ZNRF2: variants seen among roughly 807,000 people sequenced by gnomAD.
ZNRF2 encodes the protein E3 ubiquitin-protein ligase ZNRF2.
Under a neutral mutation model 20.4 loss-of-function variants are expected in ZNRF2, and 16 were observed. The ratio of observed to expected loss-of-function variants is 0.79; its 90% CI spans 0.53 to 1.19. The LOEUF is 1.19. ZNRF2 is among the 50% of genes most tolerant of loss of function. ZNRF2 has a pLI of 0.00. For synonymous variants in ZNRF2, 178 were observed against 144.9 expected (o/e 1.23, Z -1.64); for missense variants, 363 against 332.4 (o/e 1.09, Z -0.72).
chr7:30,359,814 C>G (rs981635668), intron 3 of ZNRF2, among the ~76,000 whole-genome samples: 1 of 152,250 alleles, frequency 6.6e-6, no homozygotes, highest in East Asian at 1.9e-4. Flanking sequence ...TGTCTTTGTT[C>G]TGGTGATAAA....
At chr7:30,294,961 GGAGCTGAAATTTAGA>G (rs1183556012) in intron 1 of ZNRF2, among the ~76,000 whole-genome samples, 1 of 149,488 alleles carries the variant, frequency 6.7e-6, no homozygotes, top group Non-Finnish European at 1.5e-5. Flanking sequence ...CAATGCCCCT[GGAGCTGAAATTTAGA>G]GAGAGAGGGA....
chr7:30,302,951 A>T (rs1292454479), intron 1 of ZNRF2, among the ~76,000 whole-genome samples: 2 of 152,222 alleles, frequency 1.3e-5, no homozygotes, highest in Non-Finnish European at 2.9e-5. Flanking sequence ...GACTTCAGTA[A>T]CGGAGCAAGT....
At chr7:30,328,283 A>G (rs1239976716) in intron 2 of ZNRF2, among the ~76,000 whole-genome samples, 1 of 152,214 alleles carries the variant, frequency 6.6e-6, no homozygotes, top group East Asian at 1.9e-4. Context: ...CTTTTTAGTC[A>G]ACTGGATTCC....
At chr7:30,308,275 C>G (rs1799239637) in intron 1 of ZNRF2, among the ~76,000 whole-genome samples, 1 of 152,108 alleles carries the variant, frequency 6.6e-6, no homozygotes, top group South Asian at 2.1e-4. Context: ...TATCATTTTT[C>G]ATTCTGTAAA....
chr7:30,347,977 G>A (rs1016022018), intron 2 of ZNRF2, among the ~76,000 whole-genome samples: 8 of 152,050 alleles, frequency 5.3e-5, no homozygotes, highest in Non-Finnish European at 8.8e-5. Context: ...AGAATTTTAT[G>A]TTTTGCCTTA....
chr7:30,288,110 A>C (rs1247391750), intron 1 of ZNRF2, among the ~76,000 whole-genome samples: 1 of 152,194 alleles, frequency 6.6e-6, no homozygotes, highest in Non-Finnish European at 1.5e-5. Flanking sequence ...CAATAGAAGC[A>C]TGTTTCTCAT....
chr7:30,337,840 A>T (rs1234045330), intron 2 of ZNRF2, among the ~76,000 whole-genome samples: 1 of 152,138 alleles, frequency 6.6e-6, no homozygotes, highest in African/African-American at 2.4e-5. Flanking sequence ...AAAGAGATAC[A>T]AAGTATGCCC....
rs1187267787 is a variant in ZNRF2, at chr7:30,298,713, G to GTA, written c.469+12888_469+12889dup. 3.9e-5 allele frequency among the ~76,000 whole-genome samples: 6 copies of GTA among 152,190 alleles called. No individual in the cohort carries two copies. In the East Asian group the frequency reaches 1.2e-3, roughly 29 times the overall value. On this transcript the variant is annotated intron_variant, in intron 1 of 4. Transcript: ENST00000323037. Reference sequence around the variant, plus strand: ...TCCCTTTCCTAATAACAAGCTTGTAGTAGAGTGCCAGGGTTGGGGTTGCTT... The same window carrying GTA: ...TCCCTTTCCTAATAACAAGCTTGTAGTATAGAGTGCCAGGGTTGGGGTTGCTT...
chr7:30,292,907 G>A (rs1377543917), intron 1 of ZNRF2, among the ~76,000 whole-genome samples: 1 of 152,236 alleles, frequency 6.6e-6, no homozygotes, highest in East Asian at 1.9e-4. Context: ...AGAGGGATGG[G>A]GAGTATTTTT....
In ZNRF2 at chr7:30,285,572, C is replaced by G. The variant is rs1210693413; in HGVS notation, c.215C>G (p.Pro72Arg). ...SGGAAAAAAAPAAPAAPRSRS... is the reference protein window; with the variant it reads ...SGGAAAAAAARAAPAAPRSRS... The stretch of plus-strand genomic sequence containing the variant: ...GGCGCCGCGGCGGCCGCGGCGGCCC[C>G]GGCAGCCCCGGCGGCCCCGCGCAGC... Residue 72 changes from proline to arginine, a missense_variant, in exon 1 of 5, where the codon CCG (proline) becomes CGG (arginine). By Grantham distance (103) the Pro-to-Arg change is moderately radical. Coordinates refer to ENST00000323037, the MANE Select transcript of ZNRF2 (RefSeq NM_147128.4). The G allele has an allele frequency of 4.0e-6, 4 of 987,982 alleles. No individual in the cohort carries two copies. The highest frequency in any genetic ancestry group is 4.8e-6 in the Non-Finnish European group (4 of 833,560). The allele number at this position is 987,982 out of a possible 1,614,324, so 61.2% of individuals were successfully genotyped here.
chr7:30,345,670 A>G (rs1490059078), intron 2 of ZNRF2, among the ~76,000 whole-genome samples: 4 of 151,842 alleles, frequency 2.6e-5, no homozygotes. Flanking sequence ...ACCTTACTTT[A>G]GTGTATATCA....
chr7:30,290,724 A>C (rs887976586), intron 1 of ZNRF2, among the ~76,000 whole-genome samples: 16 of 152,378 alleles, frequency 1.1e-4, no homozygotes, highest in African/African-American at 3.4e-4. Context: ...AAGAATAGTC[A>C]CATCAGTTCT....
At chr7:30,343,494 AT>A (rs1022494249) in intron 2 of ZNRF2, among the ~76,000 whole-genome samples, 2 of 151,836 alleles carry the variant, frequency 1.3e-5, no homozygotes, top group South Asian at 2.1e-4. Context: ...TATATTGCAT[AT>A]TTTTTTTCCT....
intron 2 of ZNRF2, among the ~76,000 whole-genome samples, chr7:30,336,765 G>A (rs117194206): frequency 0.011 from 1,666 of 152,200 alleles, 14 homozygotes; most frequent in Middle Eastern, 0.034. Context: ...TTTTAAAAAT[G>A]TTTTGATGTT....
At chr7:30,332,392 A>AG in intron 2 of ZNRF2, among the ~76,000 whole-genome samples, 1 of 152,014 alleles carries the variant, frequency 6.6e-6, no homozygotes, top group East Asian at 1.9e-4. Context: ...TCGGTTGAGG[A>AG]GGTGGGGTAC....
chr7:30,327,800 C>T (rs748457201), intron 2 of ZNRF2, among the ~76,000 whole-genome samples: 9 of 152,036 alleles, frequency 5.9e-5, no homozygotes, highest in Non-Finnish European at 1.2e-4. Flanking sequence ...CTCCTGGGCA[C>T]AAGTGATCCT....
intron 2 of ZNRF2, among the ~76,000 whole-genome samples, chr7:30,348,674 A>G (rs1234059521): frequency 2.0e-5 from 3 of 152,114 alleles, no homozygotes; most frequent in African/African-American, 4.8e-5. Context: ...CCCCTTTTTG[A>G]TAGGACTACA....
chr7:30,284,967 G>A lies in ZNRF2; in HGVS notation c.-391G>A. ...TAGCAGCGGCCGCCCGAGAGGAGGC[G>A]GTGCCGAGATCGGGGGCGCCGAGCG... is the stretch of plus-strand genomic sequence containing the variant. On this transcript the variant is annotated 5_prime_UTR_variant, in exon 1 of 5. Transcript: ENST00000323037. 3.2e-6 allele frequency: 1 copy of A among 313,684 alleles called. No individual in the cohort carries two copies. Among genetic ancestry groups the A allele is most frequent in the Non-Finnish European group, 6.4e-6 (1 of 157,458 alleles). 19.4% of individuals were successfully genotyped at this position (313,684 alleles called of 1,614,324 possible). A position where few individuals can be genotyped will look rare whatever the true frequency, so the allele number is the denominator to read the frequency against.
intron 2 of ZNRF2, among the ~76,000 whole-genome samples, chr7:30,333,716 A>G (rs1485804140): frequency 2.0e-5 from 3 of 152,142 alleles, no homozygotes; most frequent in Non-Finnish European, 4.4e-5. Context: ...GTGAGGTGGT[A>G]TCTCATTGTG....
Sources: gnomAD v4.1 joint callset for allele counts (sites outside exome capture counted in the v4.1 genomes callset) on GRCh38, gnomAD v4.1.1 for gene constraint, MANE v1.5 for transcripts, NCBI Gene and HGNC (gene_info 2026-07-23, HGNC 2026-07-21) for gene names.